NSMAF: variants seen among roughly 807,000 people sequenced by gnomAD.
NSMAF encodes the protein protein FAN.
In NSMAF, 90 loss-of-function variants were observed where a neutral mutation model predicts 134.9. The ratio of observed to expected loss-of-function variants is 0.67; its 90% CI spans 0.56 to 0.79. The LOEUF is 0.79. NSMAF is among the 30% of genes least tolerant of loss of function. The probability of loss-of-function intolerance (pLI) is 0.00; values close to 1 mark genes in which losing one functional copy is unlikely to be tolerated. For synonymous variants in NSMAF, 358 were observed against 389.6 expected, an observed-to-expected ratio of 0.92 and a Z score of 0.96; for missense variants, 1,010 against 1,119.0, an observed-to-expected ratio of 0.90 and a Z score of 1.39.
chr8:58,601,398 A>G (rs1806276188), intron 15 of NSMAF, 47 bp downstream of exon 15: 1 of 1,610,120 alleles, frequency 6.2e-7, no homozygotes, highest in Admixed American at 1.7e-5. Context: ...TCATTGAAGA[A>G]TACAGTGAAA....
intron 23 of NSMAF, among the ~76,000 whole-genome samples, chr8:58,593,698 C>T (rs1806070166): frequency 6.6e-6 from 1 of 152,184 alleles, no homozygotes. Context: ...TTCTGCTTTA[C>T]AGCTATAAGT....
chr8:58,601,503 G>T lies in NSMAF; in HGVS notation c.1158C>A (p.Phe386Leu). Residue 386 changes from phenylalanine to leucine, a missense_variant, in exon 15 of 31, where the codon TTC (phenylalanine) becomes TTA (leucine). Physicochemically the swap from Phe to Leu is conservative, Grantham distance 22. Coordinates refer to ENST00000038176, the MANE Select transcript of NSMAF (RefSeq NM_003580.4). ...TRYQEMPEPK[F>L]MYGSHYSSPG... ...GGGAAGAGTAGTGACTCCCATACAT[G>T]AACTTTGGTTCAGGCATTTCCTGGT... 6.3e-7 allele frequency: 1 copy of T among 1,593,426 alleles called. No individual in the cohort carries two copies. The highest frequency in any genetic ancestry group is 1.1e-5 in the South Asian group (1 of 90,162).
chr8:58,659,484 G>T (rs373266336), intron 1 of NSMAF, 89 bp downstream of exon 1: 265 of 1,491,796 alleles, frequency 1.8e-4, no homozygotes, highest in Non-Finnish European at 2.3e-4. Context: ...CCCCCACGCC[G>T]CCTCCCGTCC....
chr8:58,638,118 T>C (rs536947507), intron 2 of NSMAF, among the ~76,000 whole-genome samples: 204 of 152,334 alleles, frequency 1.3e-3, no homozygotes, highest in Non-Finnish European at 2.5e-3. Context: ...AGCATGATTA[T>C]AGCTCACTGC....
intron 9 of NSMAF, among the ~76,000 whole-genome samples, chr8:58,613,987 A>T (rs1042192555): frequency 2.0e-4 from 30 of 152,150 alleles, no homozygotes; most frequent in African/African-American, 6.8e-4. Context: ...TGGTACAGCA[A>T]AATGCTGTGC....
chr8:58,606,093 C>A, intron 11 of NSMAF, 58 bp from the exon 12 acceptor site: 5 of 1,237,450 alleles, frequency 4.0e-6, no homozygotes, highest in Non-Finnish European at 5.5e-6. Context: ...CTTGCAATCC[C>A]AATATAAGTA....
chr8:58,618,097 T>C (rs1806704015), intron 9 of NSMAF, among the ~76,000 whole-genome samples: 1 of 151,996 alleles, frequency 6.6e-6, no homozygotes, highest in Non-Finnish European at 1.5e-5. Context: ...CACTCATAGG[T>C]GGGAACTGAA....
At chr8:58,645,976 G>C (rs1022656488) in intron 1 of NSMAF, among the ~76,000 whole-genome samples, 10 of 152,200 alleles carry the variant, frequency 6.6e-5, no homozygotes, top group Non-Finnish European at 1.2e-4. Flanking sequence ...GGGAAGTAGA[G>C]GTTGCAGTGA....
Position 58,591,256 on chromosome 8 carries a change from T to C in NSMAF, c.1952-322A>G, listed in dbSNP as rs558105899. Among the ~76,000 whole-genome samples, 41 of 152,132 alleles carry C rather than the reference T, an allele frequency of 2.7e-4. No homozygotes were observed. In the South Asian group the frequency reaches 8.1e-3, roughly 30 times the overall value. On this transcript the variant is annotated intron_variant, in intron 23 of 30. Coordinates refer to ENST00000038176, the MANE Select transcript of NSMAF (RefSeq NM_003580.4). ...ATGCAGAAAGTTACAGGGAGGAAAA[T>C]AGCAATTTTAATAGTAACAATGAAA...
At chr8:58,606,262 A>G (rs980634425) in intron 11 of NSMAF, among the ~76,000 whole-genome samples, 2 of 152,216 alleles carry the variant, frequency 1.3e-5, no homozygotes, top group African/African-American at 4.8e-5. Context: ...ACAAGATAGT[A>G]TCTCAGCTAA....
At chr8:58,659,332 G>T in intron 1 of NSMAF, 1 of 1,527,572 alleles carries the variant, frequency 6.5e-7, no homozygotes. Context: ...GGTGGAATCT[G>T]GCCTGGCCCG....
At chr8:58,594,149 A>G in intron 23 of NSMAF, 83 bp downstream of exon 23, 1 of 1,139,768 alleles carries the variant, frequency 8.8e-7, no homozygotes, top group East Asian at 2.3e-5. Flanking sequence ...ATGCAAGTGC[A>G]GTCCTTGACC....
chr8:58,652,719 C>A (rs1279296483), intron 1 of NSMAF, among the ~76,000 whole-genome samples: 1 of 152,190 alleles, frequency 6.6e-6, no homozygotes, highest in Non-Finnish European at 1.5e-5. Flanking sequence ...TCCAGCAAGT[C>A]TGATGCATAT....
chr8:58,592,919 A>AC (rs374571914), intron 23 of NSMAF, among the ~76,000 whole-genome samples: 5 of 150,814 alleles, frequency 3.3e-5, no homozygotes, highest in South Asian at 2.1e-4. Flanking sequence ...AACAACAACA[A>AC]AAAAAAAACC....
At chr8:58,600,621 CA>C (rs35209612) in intron 16 of NSMAF, among the ~76,000 whole-genome samples, 73 of 44,686 alleles carry the variant, frequency 1.6e-3, no homozygotes, top group Middle Eastern at 0.018. Flanking sequence ...GACTCTGTCT[CA>C]AAAAAAAAAA....
chr8:58,609,689 T>G lies in NSMAF; in HGVS notation c.602A>C (p.Glu201Ala), dbSNP rs772994484. The change falls in exon 10 of 31, where the codon GAA becomes GCA. Residue 201 changes from glutamate to alanine, a missense_variant. By Grantham distance (107) the Glu-to-Ala change is moderately radical. Coordinates refer to ENST00000038176, the MANE Select transcript of NSMAF (RefSeq NM_003580.4). The part of the protein sequence containing the change: ...SEKLHMECKA[E>A]MVTPLVTNPG... Reference sequence around the variant, plus strand: ...ATTAGTCACCAGAGGCGTCACCATTTCTGCTTTGCATTCCATGTGCAGCTT... The same window carrying G: ...ATTAGTCACCAGAGGCGTCACCATTGCTGCTTTGCATTCCATGTGCAGCTT... 13 of 1,614,108 alleles carry G rather than the reference T, an allele frequency of 8.1e-6. No individual in the cohort carries two copies. The highest frequency in any genetic ancestry group is 4.0e-5 in the African/African-American group (3 of 74,952).
chr8:58,591,132 C>G, intron 23 of NSMAF, 198 bp from the exon 24 acceptor site: 7 of 423,990 alleles, frequency 1.7e-5, no homozygotes, highest in Non-Finnish European at 2.7e-5. Flanking sequence ...GACCTGTAAC[C>G]CCATGACAAA....
At position 58,587,636 on chromosome 8, in the gene NSMAF, C is replaced by G. The variant is rs1458649084; in HGVS notation, c.2277G>C (p.Glu759Asp). 1.9e-6 allele frequency: 3 copies of G among 1,614,058 alleles called. No individual in the cohort carries two copies. The highest frequency in any genetic ancestry group is 1.7e-6 in the Non-Finnish European group (2 of 1,180,008). ...TACTCACACTGACATCATGTTCCAG[C>G]TCGGCCAGCAAGTCAAAGTGGTGTC... ...TKRHHFDLLA[E>D]LEHDVSVDTI... The change falls in exon 27 of 31, where the codon GAG becomes GAC. Residue 759 changes from glutamate (E) to aspartate (D), a missense_variant. Glu to Asp is a conservative substitution (Grantham distance 45, BLOSUM62 2). Coordinates refer to ENST00000038176, the MANE Select transcript of NSMAF (RefSeq NM_003580.4).
chr8:58,608,093 T>A (rs1806448737), intron 10 of NSMAF, among the ~76,000 whole-genome samples: 1 of 152,258 alleles, frequency 6.6e-6, no homozygotes, highest in African/African-American at 2.4e-5. Flanking sequence ...ATCATCTATC[T>A]TTCAGGGATA....
Sources: gnomAD v4.1 joint callset for allele counts (sites outside exome capture counted in the v4.1 genomes callset) on GRCh38, gnomAD v4.1.1 for gene constraint, MANE v1.5 for transcripts, NCBI Gene and HGNC (gene_info 2026-07-23, HGNC 2026-07-21) for gene names.